KIZ: variants seen among roughly 807,000 people sequenced by gnomAD.
KIZ encodes the protein kizuna centrosomal protein, also known as centrosomal protein kizuna.
A neutral mutation model predicts 79.6 loss-of-function variants in KIZ; 68 were observed. The ratio of observed to expected loss-of-function variants is 0.85; its 90% confidence interval spans 0.70 to 1.05. KIZ has a LOEUF of 1.05. Ranked by LOEUF, KIZ falls within the 50% of genes least tolerant of loss-of-function variation. The pLI, the probability that KIZ is intolerant of heterozygous loss-of-function variation, is 0.00. For missense variants in KIZ, 797 were observed against 800.4 expected (o/e 1.00, Z 0.05); for synonymous variants, 280 against 281.8 (o/e 0.99, Z 0.06).
intron 9 of KIZ, among the ~76,000 whole-genome samples, chr20:21,224,152 C>T (rs2036589446): frequency 6.6e-6 from 1 of 151,454 alleles, no homozygotes; most frequent in Admixed American, 6.6e-5. Flanking sequence ...CGCCACCATG[C>T]AGTGGTGCAG....
intron 1 of KIZ, among the ~76,000 whole-genome samples, chr20:21,130,977 T>G (rs1379815345): frequency 6.6e-6 from 1 of 152,234 alleles, no homozygotes; most frequent in Admixed American, 6.5e-5. Flanking sequence ...TTTCACAGCC[T>G]TTTGTTTAGG....
At chr20:21,153,087 A>T (rs2033198575) in intron 4 of KIZ, among the ~76,000 whole-genome samples, 1 of 152,238 alleles carries the variant, frequency 6.6e-6, no homozygotes, top group Admixed American at 6.5e-5. Flanking sequence ...AACATGGACA[A>T]GTTGCTCAAC....
At chr20:21,179,043 A>G (rs973184921) in intron 6 of KIZ, among the ~76,000 whole-genome samples, 2 of 151,956 alleles carry the variant, frequency 1.3e-5, no homozygotes, top group African/African-American at 4.8e-5. Flanking sequence ...TTTTTGTGGT[A>G]TCTTTGCCTG....
intron 10 of KIZ, among the ~76,000 whole-genome samples, chr20:21,232,006 A>T (rs547194947): frequency 1.3e-5 from 2 of 152,350 alleles, no homozygotes; most frequent in South Asian, 4.1e-4. Flanking sequence ...CAGGCAGGTT[A>T]CAGGTTAGAA....
At chr20:21,168,538 C>T (rs1051661982) in intron 6 of KIZ, among the ~76,000 whole-genome samples, 3 of 152,190 alleles carry the variant, frequency 2.0e-5, no homozygotes, top group African/African-American at 7.2e-5. Flanking sequence ...ATGCCATCCC[C>T]ATCAAGCTAC....
At chr20:21,166,303 A>G (rs964231053) in intron 6 of KIZ, 2 of 1,603,496 alleles carry the variant, frequency 1.2e-6, no homozygotes, top group African/African-American at 1.3e-5. Flanking sequence ...AATGAAACCA[A>G]CTGGCAGGAT....
At chr20:21,233,747 T>C (rs2036907885) in intron 11 of KIZ, among the ~76,000 whole-genome samples, 2 of 152,182 alleles carry the variant, frequency 1.3e-5, no homozygotes, top group African/African-American at 4.8e-5. Flanking sequence ...AAATCCTATT[T>C]TTATTCATAT....
At chr20:21,170,565 T>C (rs2034158892) in intron 6 of KIZ, among the ~76,000 whole-genome samples, 1 of 152,086 alleles carries the variant, frequency 6.6e-6, no homozygotes, top group African/African-American at 2.4e-5. Context: ...ATTTTTTGTA[T>C]TTTTAGTAGA....
At chr20:21,176,542 A>C (rs573528220) in intron 6 of KIZ, among the ~76,000 whole-genome samples, 2 of 143,864 alleles carry the variant, frequency 1.4e-5, no homozygotes, top group African/African-American at 5.5e-5. Flanking sequence ...GGCTTTCAAC[A>C]AAAAACATTA....
chr20:21,177,011 A>G (rs373653658), intron 6 of KIZ, among the ~76,000 whole-genome samples: 177 of 152,360 alleles, frequency 1.2e-3, no homozygotes, highest in African/African-American at 4.1e-3. Flanking sequence ...ATTGATGAAC[A>G]TTTTGGTGGT....
At chr20:21,229,999 CA>C (rs573613309) in intron 10 of KIZ, among the ~76,000 whole-genome samples, 37 of 151,862 alleles carry the variant, frequency 2.4e-4, no homozygotes, top group Non-Finnish European at 4.7e-4. Flanking sequence ...TTCATTACAC[CA>C]GTTTTTAGAG....
At chr20:21,185,902 T>C (rs1444971891) in intron 6 of KIZ, among the ~76,000 whole-genome samples, 1 of 151,938 alleles carries the variant, frequency 6.6e-6, no homozygotes, top group African/African-American at 2.4e-5. Context: ...TCTAAGTTCA[T>C]AGGAAAATTA....
chr20:21,134,951 A>G (rs1333751538), intron 2 of KIZ, among the ~76,000 whole-genome samples: 3 of 151,592 alleles, frequency 2.0e-5, no homozygotes, highest in African/African-American at 7.3e-5. Flanking sequence ...ACAGCCATGA[A>G]CCCCCATGCC....
Position 21,244,419 on chromosome 20 carries a change from T to C in KIZ, c.1924+131T>C, listed in dbSNP as rs78040362. On this transcript the variant is annotated intron_variant, in intron 12 of 12. Coordinates refer to ENST00000619189, the MANE Select transcript of KIZ (RefSeq NM_018474.6). ...TGCTCACAGGGACTGCCATTGCAGCTGTCCCTGGGGTGGAACCTGAGGGCT... is the reference window on the plus strand; with the variant it reads ...TGCTCACAGGGACTGCCATTGCAGCCGTCCCTGGGGTGGAACCTGAGGGCT... The C allele has an allele frequency of 3.9e-3, 2,677 of 692,818 alleles. 58 individuals are homozygous for C. In the African/African-American group the frequency reaches 0.043, roughly 11 times the overall value. 42.9% of individuals were successfully genotyped at this position (692,818 alleles called of 1,614,324 possible). A position where few individuals can be genotyped will look rare whatever the true frequency, so the allele number is the denominator to read the frequency against.
intron 8 of KIZ, among the ~76,000 whole-genome samples, 192 bp downstream of exon 8, chr20:21,214,892 T>C (rs1477516494): frequency 6.6e-6 from 1 of 152,190 alleles, no homozygotes; most frequent in Non-Finnish European, 1.5e-5. Flanking sequence ...GAATGGGAAA[T>C]CTAACTGTAA....
intron 2 of KIZ, among the ~76,000 whole-genome samples, chr20:21,134,206 T>C (rs2122338642): frequency 6.6e-6 from 1 of 152,302 alleles, no homozygotes; most frequent in Admixed American, 6.5e-5. Context: ...CGCCATTATC[T>C]GCACCCTTTT....
At chr20:21,227,489 G>T (rs1030378256) in intron 9 of KIZ, among the ~76,000 whole-genome samples, 2 of 152,052 alleles carry the variant, frequency 1.3e-5, no homozygotes, top group Admixed American at 6.5e-5. Context: ...ATCTGGACTT[G>T]TATCTTGAGA....
At chr20:21,152,503 A>T (rs1441123905) in intron 4 of KIZ, among the ~76,000 whole-genome samples, 2 of 152,038 alleles carry the variant, frequency 1.3e-5, no homozygotes, top group South Asian at 4.2e-4. Flanking sequence ...GTGAATGGAG[A>T]TCTCTAAGAG....
chr20:21,129,604 G>A (rs757955562), intron 1 of KIZ, among the ~76,000 whole-genome samples: 4 of 151,924 alleles, frequency 2.6e-5, no homozygotes, highest in Admixed American at 6.6e-5. Context: ...GTGTGGTGGC[G>A]CATGCCTGTA....
Sources: gnomAD v4.1 joint callset for allele counts (sites outside exome capture counted in the v4.1 genomes callset) on GRCh38, gnomAD v4.1.1 for gene constraint, MANE v1.5 for transcripts, NCBI Gene and HGNC (gene_info 2026-07-23, HGNC 2026-07-21) for gene names.